The following SYNPO2 variants were observed in gnomAD, a reference collection of about 807,000 sequenced individuals.
SYNPO2 encodes synaptopodin-2.
In SYNPO2, 56 loss-of-function variants were observed where a neutral mutation model predicts 85.0. The ratio of observed to expected loss-of-function variants is 0.66; its 90% CI spans 0.53 to 0.82. SYNPO2 has a LOEUF of 0.82. Among genes scored for constraint, SYNPO2 ranks in the 40% least tolerant of loss-of-function variants. The probability of loss-of-function intolerance (pLI) is 0.00; values close to 1 mark genes in which losing one functional copy is unlikely to be tolerated. For synonymous variants in SYNPO2, 602 were observed against 591.1 expected (o/e 1.02, Z -0.27); for missense variants, 1,575 against 1,534.2 (o/e 1.03, Z -0.44).
chr4:119,037,823 C>G (rs1188472560), intron 4 of SYNPO2: 1 of 214,256 alleles, frequency 4.7e-6, no homozygotes, highest in African/African-American at 2.4e-5. Context: ...GATCATTATC[C>G]CCATTTTATA....
At chr4:119,033,843 A>G in intron 4 of SYNPO2, 2 of 984,432 alleles carry the variant, frequency 2.0e-6, no homozygotes, top group Non-Finnish European at 2.4e-6. Context: ...CATTGTTGTT[A>G]GCATATCTAT....
intron 4 of SYNPO2, chr4:119,036,394 T>A: frequency 1.0e-6 from 1 of 985,414 alleles, no homozygotes; most frequent in Non-Finnish European, 1.2e-6. Flanking sequence ...GGTCCACATA[T>A]CATTGGACTC....
In SYNPO2 at chr4:118,967,283, C is replaced by T. The variant is rs564032447; in HGVS notation, c.106-56147C>T. Among the ~76,000 whole-genome samples, 23 of 152,264 alleles carry T rather than the reference C, an allele frequency of 1.5e-4. No homozygotes were observed. The East Asian group carries it at 2.7e-3, about 18-fold the overall frequency. On this transcript the variant is annotated intron_variant, in intron 1 of 4. Transcript: ENST00000307142. The stretch of plus-strand genomic sequence containing the variant: ...TCTCCCTATAGGAAATAAAAGTCTG[C>T]GGAGGAACCACGTAAATATGATTTT...
Position 119,031,158 on chromosome 4 carries a change from T to C in SYNPO2, c.2383T>C (p.Ser795Pro). ...CACCCAACCTCCTGCCTTCCCCACA[T>C]CCAACCCATCAAAGGGCACCGTTGT... ...APTQPPAFPT[S>P]NPSKGTVVSS... is the part of the protein sequence containing the mutation. The change falls in exon 4 of 5, where the codon TCC (serine) becomes CCC (proline). Residue 795 changes from serine to proline, a missense_variant. Ser to Pro is a moderately conservative substitution (Grantham distance 74). Around this residue, in one of 3 missense-constraint regions of SYNPO2, gnomAD observed 1,508 missense variants for 1,446.8 expected, o/e 1.04. Coordinates refer to ENST00000307142, the MANE Select transcript of SYNPO2 (RefSeq NM_133477.3). The C allele has an allele frequency of 6.2e-7, 1 of 1,613,990 alleles. No individual in the cohort carries two copies. Among genetic ancestry groups the C allele is most frequent in the Non-Finnish European group, 8.5e-7 (1 of 1,179,976 alleles).
At chr4:118,918,162 TC>T (rs1733415939) in intron 1 of SYNPO2, among the ~76,000 whole-genome samples, 1 of 152,180 alleles carries the variant, frequency 6.6e-6, no homozygotes, top group African/African-American at 2.4e-5. Flanking sequence ...AACTGAAAGT[TC>T]TTTTTTTAAA....
intron 1 of SYNPO2, among the ~76,000 whole-genome samples, chr4:118,975,030 C>T (rs550130533): frequency 6.6e-6 from 1 of 152,292 alleles, no homozygotes; most frequent in African/African-American, 2.4e-5. Flanking sequence ...TTCTGGCATT[C>T]AAAACTCTTT....
intron 1 of SYNPO2, among the ~76,000 whole-genome samples, chr4:119,005,278 C>T (rs935799306): frequency 3.9e-5 from 6 of 151,924 alleles, no homozygotes; most frequent in Admixed American, 6.6e-5. Context: ...TTGCTTTTGG[C>T]GTTTTAGACA....
At chr4:118,875,344 C>T (rs1731885812) in intron 1 of SYNPO2, among the ~76,000 whole-genome samples, 2 of 152,110 alleles carry the variant, frequency 1.3e-5, no homozygotes, top group Admixed American at 1.3e-4. Flanking sequence ...AGTACTCTCT[C>T]TGATATTTTA....
At chr4:118,918,314 T>C (rs1392365048) in intron 1 of SYNPO2, among the ~76,000 whole-genome samples, 1 of 152,198 alleles carries the variant, frequency 6.6e-6, no homozygotes, top group Non-Finnish European at 1.5e-5. Flanking sequence ...TTTGTTTATA[T>C]GTAATAGATT....
At chr4:119,034,086 C>CTAGA in intron 4 of SYNPO2, 1 of 985,384 alleles carries the variant, frequency 1.0e-6, no homozygotes. Context: ...AAAAAGCAAT[C>CTAGA]TATTCATTAT....
chr4:119,027,143 G>A lies in SYNPO2; in HGVS notation c.774G>A (p.Lys258=). The stretch of plus-strand genomic sequence containing the variant: ...CAGACCCTTTCCTGAGGTCCAGCAA[G>A]ATAATCCAGATCTCCAGTGGCAGAG... The part of the protein sequence containing the change: ...EKADPFLRSS[K]IIQISSGREL... The change falls in exon 3 of 5, where the codon AAG becomes AAA. Residue 258 remains lysine, a synonymous_variant. Transcript: ENST00000307142. The A allele has an allele frequency of 6.2e-7, 1 of 1,614,196 alleles. No homozygotes were observed.
intron 4 of SYNPO2, among the ~76,000 whole-genome samples, chr4:119,056,363 C>G (rs1221258660): frequency 1.3e-5 from 2 of 152,030 alleles, no homozygotes; most frequent in African/African-American, 4.8e-5. Context: ...TACCACCAGC[C>G]TGGGCAACAG....
At chr4:118,959,463 A>C (rs1303303414) in intron 1 of SYNPO2, among the ~76,000 whole-genome samples, 3 of 152,244 alleles carry the variant, frequency 2.0e-5, no homozygotes, top group Non-Finnish European at 4.4e-5. Context: ...GCTCACCTAA[A>C]GCAATAAATA....
intron 1 of SYNPO2, among the ~76,000 whole-genome samples, chr4:119,021,525 G>A (rs541782298): frequency 6.6e-6 from 1 of 152,248 alleles, no homozygotes; most frequent in Admixed American, 6.5e-5. Context: ...TCTTAAATTT[G>A]AGACTGTATG....
At chr4:118,943,514 C>G (rs62327797) in intron 1 of SYNPO2, among the ~76,000 whole-genome samples, 4 of 152,092 alleles carry the variant, frequency 2.6e-5, no homozygotes, top group African/African-American at 9.7e-5. Flanking sequence ...CAAAGTTGCT[C>G]TCTTTAAAAT....
At chr4:119,018,921 A>G in intron 1 of SYNPO2, among the ~76,000 whole-genome samples, 1 of 152,202 alleles carries the variant, frequency 6.6e-6, no homozygotes, top group Admixed American at 6.5e-5. Context: ...ATAAATATGT[A>G]TAACTATTAT....
intron 1 of SYNPO2, among the ~76,000 whole-genome samples, chr4:118,955,340 G>A (rs1226463834): frequency 6.6e-6 from 1 of 152,100 alleles, no homozygotes; most frequent in Non-Finnish European, 1.5e-5. Flanking sequence ...TAGCCTCAGA[G>A]AAAGTGAAAC....
intron 1 of SYNPO2, among the ~76,000 whole-genome samples, chr4:118,923,530 C>T (rs1733608550): frequency 6.6e-6 from 1 of 152,084 alleles, no homozygotes; most frequent in South Asian, 2.1e-4. Context: ...TGCACATGTA[C>T]ACCTGAACCC....
chr4:118,997,189 G>A (rs371213174), intron 1 of SYNPO2, among the ~76,000 whole-genome samples: 51 of 136,832 alleles, frequency 3.7e-4, no homozygotes, highest in African/African-American at 1.3e-3. Flanking sequence ...GCAGTGAGCC[G>A]AGATCCCGCC....
Sources: allele counts gnomAD v4.1 joint callset (sites outside exome capture counted in the v4.1 genomes callset), GRCh38; gene constraint gnomAD v4.1.1; regional missense constraint gnomAD v4.1.1; transcripts MANE v1.5; gene names NCBI Gene and HGNC (gene_info 2026-07-23, HGNC 2026-07-21).